The following CYB5R4 variants were observed in gnomAD, a reference collection of about 807,000 sequenced individuals.
CYB5R4 encodes the protein cytochrome b5 reductase 4, also known as N-terminal cytochrome b5 and cytochrome b5 oxidoreductase domain-containing protein.
In CYB5R4, 55 loss-of-function variants were observed where a neutral mutation model predicts 70.2. The observed-to-expected ratio is 0.78, with a 90% confidence interval of 0.63 to 0.98. The LOEUF is 0.98. Among genes scored for constraint, CYB5R4 ranks in the 50% least tolerant of loss-of-function variants. The pLI is 0.00. For synonymous variants in CYB5R4, 197 were observed against 199.5 expected (o/e 0.99, Z 0.11); for missense variants, 562 against 612.6 (o/e 0.92, Z 0.87).
intron 3 of CYB5R4, among the ~76,000 whole-genome samples, chr6:83,906,378 C>T (rs572105019): frequency 5.9e-5 from 9 of 152,220 alleles, no homozygotes; most frequent in Admixed American, 2.0e-4. Flanking sequence ...CTGAAATGAT[C>T]GTTTACTGTA....
intron 3 of CYB5R4, among the ~76,000 whole-genome samples, chr6:83,905,287 C>T (rs2099463591): frequency 6.6e-6 from 1 of 152,234 alleles, no homozygotes. Flanking sequence ...CAACTCTTGA[C>T]CTCAGGTGAT....
intron 3 of CYB5R4, among the ~76,000 whole-genome samples, chr6:83,902,171 T>G (rs985453750): frequency 3.9e-5 from 6 of 152,218 alleles, no homozygotes; most frequent in African/African-American, 1.4e-4. Flanking sequence ...TTTAAGTCTT[T>G]AATCCATTTT....
chr6:83,898,117 A>T (rs2099462219), intron 3 of CYB5R4, among the ~76,000 whole-genome samples: 1 of 152,188 alleles, frequency 6.6e-6, no homozygotes, highest in Admixed American at 6.5e-5. Flanking sequence ...TAAGTCTTTA[A>T]TCCATCTTGA....
intron 3 of CYB5R4, among the ~76,000 whole-genome samples, chr6:83,897,582 G>A (rs557870238): frequency 7.1e-4 from 108 of 152,202 alleles, no homozygotes; most frequent in South Asian, 1.2e-3. Flanking sequence ...TTTAATGATG[G>A]CCATTCTAAC....
intron 3 of CYB5R4, among the ~76,000 whole-genome samples, chr6:83,898,421 G>T (rs995241574): frequency 6.6e-6 from 1 of 152,022 alleles, no homozygotes; most frequent in African/African-American, 2.4e-5. Flanking sequence ...TTGTTCTTTT[G>T]GCTTAGGATT....
At chr6:83,905,994 A>G (rs114209274) in intron 3 of CYB5R4, among the ~76,000 whole-genome samples, 1,932 of 152,198 alleles carry the variant, frequency 0.013, 45 homozygotes, top group African/African-American at 0.044. Context: ...GGACTGGGCA[A>G]TCTCCTGGCC....
intron 2 of CYB5R4, 128 bp from the exon 3 acceptor site, chr6:83,893,394 A>T: frequency 1.7e-6 from 1 of 604,872 alleles, no homozygotes; most frequent in East Asian, 2.9e-5. Context: ...TTAGTTCTTG[A>T]TACTTTGAAA....
chr6:83,902,122 G>A (rs751444821), intron 3 of CYB5R4, among the ~76,000 whole-genome samples: 1 of 151,996 alleles, frequency 6.6e-6, no homozygotes, highest in Non-Finnish European at 1.5e-5. Context: ...TGTTTTTCCA[G>A]TGTTTTCTTC....
intron 2 of CYB5R4, among the ~76,000 whole-genome samples, chr6:83,871,237 C>T (rs1588559145): frequency 6.6e-6 from 1 of 152,042 alleles, no homozygotes; most frequent in East Asian, 1.9e-4. Context: ...CCTTGGCCTC[C>T]CAGACTGCTG....
intron 1 of CYB5R4, among the ~76,000 whole-genome samples, chr6:83,862,126 A>G (rs2099456043): frequency 1.3e-5 from 2 of 152,224 alleles, no homozygotes; most frequent in Non-Finnish European, 2.9e-5. Context: ...CCCATTTTAT[A>G]GGATTGTTCA....
intron 3 of CYB5R4, among the ~76,000 whole-genome samples, chr6:83,907,400 A>C (rs7746474): frequency 0.2 from 30,392 of 152,060 alleles, 6,619 homozygotes; most frequent in African/African-American, 0.53. Context: ...CAAGAAAATA[A>C]CTGTTAAATA....
intron 1 of CYB5R4, among the ~76,000 whole-genome samples, chr6:83,860,233 C>T (rs965432279): frequency 6.6e-6 from 1 of 152,086 alleles, no homozygotes; most frequent in Non-Finnish European, 1.5e-5. Context: ...TCTTCACTGC[C>T]TGAAGGAGTT....
intron 2 of CYB5R4, among the ~76,000 whole-genome samples, chr6:83,879,971 A>T (rs752846890): frequency 6.6e-6 from 1 of 152,094 alleles, no homozygotes; most frequent in African/African-American, 2.4e-5. Context: ...AATTTAGATC[A>T]TCTGGTTGCC....
intron 12 of CYB5R4, 110 bp from the exon 13 acceptor site, chr6:83,939,946 C>T (rs1489078974): frequency 5.8e-6 from 4 of 691,792 alleles, no homozygotes; most frequent in East Asian, 2.6e-5. Context: ...TACTGTTACT[C>T]CTCAGTGTTT....
At chr6:83,895,989 G>T (rs905630805) in intron 3 of CYB5R4, among the ~76,000 whole-genome samples, 3 of 152,040 alleles carry the variant, frequency 2.0e-5, no homozygotes, top group African/African-American at 7.2e-5. Context: ...ATACCTGATA[G>T]GCAATTTAAT....
intron 10 of CYB5R4, among the ~76,000 whole-genome samples, chr6:83,925,334 G>A (rs971736128): frequency 4.6e-5 from 7 of 151,970 alleles, no homozygotes; most frequent in Admixed American, 1.3e-4. Context: ...TGAAGGATCC[G>A]CCCCCATGCT....
chr6:83,957,612 A>G (rs1472654637), intron 15 of CYB5R4, among the ~76,000 whole-genome samples: 1 of 139,102 alleles, frequency 7.2e-6, no homozygotes, highest in African/African-American at 3.1e-5. Context: ...ACAAGAGCGA[A>G]ACTCTGTCTC....
chr6:83,953,194 G>A (rs759079752), intron 14 of CYB5R4, among the ~76,000 whole-genome samples: 1 of 152,012 alleles, frequency 6.6e-6, no homozygotes, highest in African/African-American at 2.4e-5. Flanking sequence ...CATATATAAG[G>A]CTTTCTGAAA....
At chr6:83,872,534 G>T (rs1240812947) in intron 2 of CYB5R4, among the ~76,000 whole-genome samples, 2 of 152,200 alleles carry the variant, frequency 1.3e-5, no homozygotes, top group African/African-American at 4.8e-5. Context: ...TAGAGGTGAG[G>T]ATTGATGCAG....
Sources: gnomAD v4.1 joint callset for allele counts (sites outside exome capture counted in the v4.1 genomes callset) on GRCh38, gnomAD v4.1.1 for gene constraint, MANE v1.5 for transcripts, NCBI Gene and HGNC (gene_info 2026-07-23, HGNC 2026-07-21) for gene names.